SUMF1: variants seen among roughly 807,000 people sequenced by gnomAD.
SUMF1 encodes the protein formylglycine-generating enzyme.
Under a neutral mutation model 47.6 loss-of-function variants are expected in SUMF1, and 48 were observed. The observed-to-expected ratio is 1.01, with a 90% CI of 0.80 to 1.28. The LOEUF (loss-of-function observed/expected upper bound fraction) is 1.28. Among genes scored for constraint, SUMF1 ranks in the 50% most tolerant of loss-of-function variants. The pLI is 0.00. For missense variants in SUMF1, 571 were observed against 485.4 expected, an observed-to-expected ratio of 1.18 and a Z score of -1.66; for synonymous variants, 230 against 192.1, an observed-to-expected ratio of 1.20 and a Z score of -1.63.
chr3:4,342,200 T>A (rs1295823715), intron 8 of SUMF1, among the ~76,000 whole-genome samples: 1 of 152,196 alleles, frequency 6.6e-6, no homozygotes, highest in Non-Finnish European at 1.5e-5. Context: ...TTGAGGTGCT[T>A]CAACATCATG....
intron 8 of SUMF1, among the ~76,000 whole-genome samples, chr3:4,231,269 T>C (rs576319376): frequency 7.9e-5 from 12 of 152,188 alleles, no homozygotes; most frequent in African/African-American, 1.7e-4. Flanking sequence ...CCAGGTCACA[T>C]AACCTTTAGG....
intron 3 of SUMF1, among the ~76,000 whole-genome samples, chr3:4,423,720 A>T (rs1261125530): frequency 1.3e-5 from 2 of 152,154 alleles, no homozygotes; most frequent in African/African-American, 2.4e-5. Context: ...TATAATCCCC[A>T]ATATTGGAGG....
chr3:4,334,667 G>A (rs1316773112), intron 8 of SUMF1, among the ~76,000 whole-genome samples: 1 of 152,188 alleles, frequency 6.6e-6, no homozygotes, highest in Non-Finnish European at 1.5e-5. Flanking sequence ...ATTCACACAA[G>A]TATCAAACCA....
intron 3 of SUMF1, among the ~76,000 whole-genome samples, chr3:4,443,631 G>T (rs991741448): frequency 6.6e-6 from 1 of 151,966 alleles, no homozygotes; most frequent in Non-Finnish European, 1.5e-5. Flanking sequence ...CAGGTGTGGT[G>T]GCATGTGCCT....
intron 9 of SUMF1, among the ~76,000 whole-genome samples, chr3:4,037,549 C>T (rs1694821249): frequency 6.6e-6 from 1 of 152,144 alleles, no homozygotes; most frequent in Non-Finnish European, 1.5e-5. Flanking sequence ...TCTGTCAACT[C>T]CTGTATCATT....
At chr3:4,064,539 G>A (rs1181659043) in intron 9 of SUMF1, among the ~76,000 whole-genome samples, 1 of 152,092 alleles carries the variant, frequency 6.6e-6, no homozygotes, top group African/African-American at 2.4e-5. Context: ...TATGGAGTAG[G>A]CATTCTTTTG....
At chr3:4,040,593 G>T (rs1306193706) in intron 9 of SUMF1, among the ~76,000 whole-genome samples, 1 of 152,174 alleles carries the variant, frequency 6.6e-6, no homozygotes, top group Non-Finnish European at 1.5e-5. Flanking sequence ...ATAGAAGGAA[G>T]TTTAACAGAC....
At chr3:4,049,982 C>T (rs1695076069) in intron 9 of SUMF1, among the ~76,000 whole-genome samples, 1 of 151,944 alleles carries the variant, frequency 6.6e-6, no homozygotes. Context: ...TCTGACCATC[C>T]CCAGCCAAAC....
chr3:4,401,600 C>A (rs886137903), intron 7 of SUMF1, among the ~76,000 whole-genome samples: 3 of 152,160 alleles, frequency 2.0e-5, no homozygotes, highest in African/African-American at 7.2e-5. Flanking sequence ...ACTAAGCCTA[C>A]AAGGGTGACA....
intron 6 of SUMF1, among the ~76,000 whole-genome samples, chr3:4,413,337 G>T (rs1191975349): frequency 6.6e-6 from 1 of 152,052 alleles, no homozygotes; most frequent in Non-Finnish European, 1.5e-5. Context: ...CACTAGGCAA[G>T]CAACTTAACC....
At chr3:4,262,721 A>G (rs1441312627) in intron 8 of SUMF1, among the ~76,000 whole-genome samples, 3 of 152,166 alleles carry the variant, frequency 2.0e-5, no homozygotes, top group Non-Finnish European at 4.4e-5. Context: ...GGCTCCCAAA[A>G]GCCTGGCTGA....
intron 8 of SUMF1, among the ~76,000 whole-genome samples, chr3:4,290,899 C>T (rs1187548120): frequency 6.6e-6 from 1 of 151,200 alleles, no homozygotes; most frequent in East Asian, 2.0e-4. Flanking sequence ...ATGGTAGGTG[C>T]ATTTACAAAA....
At chr3:4,122,869 C>T (rs1693575896) in intron 8 of SUMF1, among the ~76,000 whole-genome samples, 1 of 152,150 alleles carries the variant, frequency 6.6e-6, no homozygotes, top group Non-Finnish European at 1.5e-5. Flanking sequence ...GGAAGCAGTC[C>T]ACAGGGCACT....
intron 8 of SUMF1, among the ~76,000 whole-genome samples, chr3:4,092,680 T>C (rs1403268140): frequency 6.6e-6 from 1 of 152,126 alleles, no homozygotes. Flanking sequence ...TCTTGTTAAG[T>C]TCTACTAAGT....
intron 3 of SUMF1, among the ~76,000 whole-genome samples, chr3:4,422,589 A>C (rs897879582): frequency 6.6e-6 from 1 of 151,666 alleles, no homozygotes; most frequent in Non-Finnish European, 1.5e-5. Flanking sequence ...TACTGCTTCT[A>C]TCAATATTCT....
chr3:4,236,481 C>T (rs1049202629), intron 8 of SUMF1, among the ~76,000 whole-genome samples: 1 of 152,128 alleles, frequency 6.6e-6, no homozygotes, highest in Middle Eastern at 3.4e-3. Flanking sequence ...TAGCCAGGCT[C>T]GCAGGCACCT....
At chr3:4,236,301 A>G (rs769892903) in intron 8 of SUMF1, among the ~76,000 whole-genome samples, 2 of 152,162 alleles carry the variant, frequency 1.3e-5, no homozygotes, top group African/African-American at 4.8e-5. Flanking sequence ...ATTCATATTG[A>G]TAAGTTGTAA....
intron 8 of SUMF1, among the ~76,000 whole-genome samples, chr3:4,193,081 T>C (rs1695354631): frequency 6.6e-6 from 1 of 152,140 alleles, no homozygotes; most frequent in African/African-American, 2.4e-5. Context: ...AATTGTCTAT[T>C]GCAGCACTGT....
At chr3:4,380,208 G>T (rs533610070) in intron 7 of SUMF1, among the ~76,000 whole-genome samples, 1 of 152,196 alleles carries the variant, frequency 6.6e-6, no homozygotes, top group African/African-American at 2.4e-5. Context: ...AGAAAACGTG[G>T]TACATATACA....
Sources: allele counts gnomAD v4.1 joint callset (sites outside exome capture counted in the v4.1 genomes callset), GRCh38; gene constraint gnomAD v4.1.1; transcripts MANE v1.5; gene names NCBI Gene and HGNC (gene_info 2026-07-23, HGNC 2026-07-21).